Variants in DNAH9 observed in about 807,000 individuals in gnomAD.
The protein encoded by DNAH9 is dynein axonemal heavy chain 9.
Under a neutral mutation model 471.6 loss-of-function variants are expected in DNAH9, and 345 were observed. The observed-to-expected ratio is 0.73, with a 90% CI of 0.67 to 0.80. The LOEUF (loss-of-function observed/expected upper bound fraction) is 0.80, where lower values mean the gene tolerates loss of function less well. Among genes scored for constraint, DNAH9 ranks in the 30% least tolerant of loss-of-function variants. The pLI is 0.00. For missense variants in DNAH9, 5,407 were observed against 5,609.2 expected (o/e 0.96, Z 1.15); for synonymous variants, 2,093 against 2,123.6 (o/e 0.99, Z 0.40).
In DNAH9 at chr17:11,599,005, C is replaced by A. The variant is rs1247393111; in HGVS notation, c.417+90C>A. The A allele has an allele frequency of 2.0e-5, 5 of 245,130 alleles. No homozygotes were observed. The Admixed American group carries it at 2.8e-4, about 14-fold the overall frequency. The allele number at this position is 245,130 out of a possible 1,614,324, so 15.2% of individuals were successfully genotyped here. A position where few individuals can be genotyped will look rare whatever the true frequency, so the allele number is the denominator to read the frequency against. ...GGGACGGAGGCGGGGCCAGAGGGGGCGGGGCGAAGCTGCAGGGGAGGTCCA... is the reference window on the plus strand; with the variant it reads ...GGGACGGAGGCGGGGCCAGAGGGGGAGGGGCGAAGCTGCAGGGGAGGTCCA... On this transcript the variant is annotated intron_variant, in intron 1 of 68. Coordinates refer to ENST00000262442, the MANE Select transcript of DNAH9 (RefSeq NM_001372.4).
At chr17:11,615,565 A>G (rs1394777449) in intron 4 of DNAH9, among the ~76,000 whole-genome samples, 1 of 151,942 alleles carries the variant, frequency 6.6e-6, no homozygotes, top group African/African-American at 2.4e-5. Flanking sequence ...AGCCTGGGTG[A>G]CAGAGTGAGA....
chr17:11,626,690 T>A lies in DNAH9; in HGVS notation c.1351-2727T>A, dbSNP rs2150666985. Among the ~76,000 whole-genome samples the A allele has an allele frequency of 6.6e-6, 1 of 152,324 alleles. No individual in the cohort carries two copies. The highest frequency in any genetic ancestry group is 3.4e-3 in the Middle Eastern group (1 of 294). ...TCATTTGCCTTCATTCTGCCTTCAC[T>A]GTAGCACCAGGGAAGGTTCCCCCTT... On this transcript the variant is annotated intron_variant, in intron 6 of 68. Coordinates refer to ENST00000262442, the MANE Select transcript of DNAH9 (RefSeq NM_001372.4). This position sits in a 1 kb window ranked among gnomAD's most constrained non-coding sequence, Gnocchi z 4.3.
chr17:11,867,921 T>G (rs183346684), intron 50 of DNAH9, among the ~76,000 whole-genome samples: 1 of 152,212 alleles, frequency 6.6e-6, no homozygotes, highest in African/African-American at 2.4e-5. Flanking sequence ...CTTCATATTT[T>G]CATCTTCCCC....
intron 38 of DNAH9, among the ~76,000 whole-genome samples, chr17:11,779,205 G>T (rs1318605893): frequency 6.6e-6 from 1 of 152,136 alleles, no homozygotes; most frequent in African/African-American, 2.4e-5. Flanking sequence ...GGCTCCAGGT[G>T]TGGGCTTGAG....
intron 50 of DNAH9, among the ~76,000 whole-genome samples, chr17:11,866,992 C>T (rs551560106): frequency 6.6e-6 from 1 of 152,362 alleles, no homozygotes; most frequent in East Asian, 1.9e-4. Flanking sequence ...CAATGCCTCG[C>T]CCTGCTTCAG....
At chr17:11,645,545 G>T (rs1315278751) in intron 11 of DNAH9, among the ~76,000 whole-genome samples, 1 of 152,098 alleles carries the variant, frequency 6.6e-6, no homozygotes. Flanking sequence ...GAGGCCTTGC[G>T]GTGGTTCTCA....
chr17:11,803,422 G>A lies in DNAH9; in HGVS notation c.8421-4310G>A, dbSNP rs551543718. Reference sequence around the variant, plus strand: ...TGTGCGCTCGCACACACGCACATGCGTGTCTAGTCCAATAAATCAACTTCC... The same window carrying A: ...TGTGCGCTCGCACACACGCACATGCATGTCTAGTCCAATAAATCAACTTCC... On this transcript the variant is annotated intron_variant, in intron 43 of 68. Coordinates refer to ENST00000262442, the MANE Select transcript of DNAH9 (RefSeq NM_001372.4). Among the ~76,000 whole-genome samples, 100 of 152,278 alleles carry A rather than the reference G, an allele frequency of 6.6e-4. 2 individuals are homozygous for A. In the South Asian group the frequency reaches 0.019, roughly 29 times the overall value.
At chr17:11,787,209 T>A (rs746628875) in intron 41 of DNAH9, among the ~76,000 whole-genome samples, 5 of 152,188 alleles carry the variant, frequency 3.3e-5, no homozygotes, top group Admixed American at 6.5e-5. Context: ...GTGAAAGTGA[T>A]GTACAGAAAA....
At chr17:11,912,081 G>C (rs140983567) in intron 61 of DNAH9, among the ~76,000 whole-genome samples, 1,938 of 152,142 alleles carry the variant, frequency 0.013, 36 homozygotes, top group African/African-American at 0.043. Context: ...GCAGTGGCAC[G>C]ATCTCAGCTC....
At chr17:11,737,162 G>C (rs2075361361) in intron 28 of DNAH9, among the ~76,000 whole-genome samples, 1 of 152,222 alleles carries the variant, frequency 6.6e-6, no homozygotes, top group South Asian at 2.1e-4. Context: ...ACGTAGAAAA[G>C]AAGTCTCAGT....
At chr17:11,794,230 G>C (rs28498818) in intron 42 of DNAH9, among the ~76,000 whole-genome samples, 1 of 151,818 alleles carries the variant, frequency 6.6e-6, no homozygotes, top group Non-Finnish European at 1.5e-5. Flanking sequence ...ATTTTTAGTA[G>C]AGACGGAGTT....
chr17:11,706,807 TACTG>T (rs1302576690), intron 26 of DNAH9, among the ~76,000 whole-genome samples: 2 of 152,226 alleles, frequency 1.3e-5, no homozygotes, highest in Admixed American at 6.5e-5. Context: ...GTTAAGGAGT[TACTG>T]ATAAACATTG....
At chr17:11,891,676 T>A (rs2151004121) in intron 57 of DNAH9, 101 bp from the exon 58 acceptor site, 2 of 1,431,578 alleles carry the variant, frequency 1.4e-6, no homozygotes, top group East Asian at 2.3e-5. Flanking sequence ...TGGGAAAAAA[T>A]TTCTATGGGC....
In DNAH9 at chr17:11,598,693, CGAGGGGCCGCGGCCGCTGCTGGTGGTGCG is replaced by C; in HGVS notation, c.197_225del (p.Glu66AlafsTer17). 3 of 1,371,632 alleles carry C rather than the reference CGAGGGGCCGCGGCCGCTGCTGGTGGTGCG, an allele frequency of 2.2e-6. No homozygotes were observed. Among genetic ancestry groups the C allele is most frequent in the Non-Finnish European group, 2.8e-6 (3 of 1,069,224 alleles). The allele number at this position is 1,371,632 out of a possible 1,614,324, so 85.0% of individuals were successfully genotyped here. ...AGGCCTTCCTGGGCCGCGATGCTGC[CGAGGGGCCGCGGCCGCTGCTGGTGGTGCG>C]GCCCGGGCCCAGGGGCCTGGCAATA... is the stretch of plus-strand genomic sequence containing the variant. On this transcript the variant is annotated frameshift_variant, in exon 1 of 69. Transcript: ENST00000262442. LOFTEE classifies it high-confidence loss of function.
intron 48 of DNAH9, among the ~76,000 whole-genome samples, chr17:11,825,114 G>C (rs1970445114): frequency 6.6e-6 from 1 of 152,130 alleles, no homozygotes; most frequent in Non-Finnish European, 1.5e-5. Flanking sequence ...CCTCTTCTTA[G>C]GATTCCAGTT....
rs754076989 is a variant in DNAH9, at chr17:11,632,565, T to A, written c.1519-22T>A. 34 of 1,214,586 alleles carry A rather than the reference T, an allele frequency of 2.8e-5. No individual in the cohort carries two copies. The South Asian group carries it at 4.1e-4, about 15-fold the overall frequency. 75.2% of individuals were successfully genotyped at this position (1,214,586 alleles called of 1,614,324 possible). A position where few individuals can be genotyped will look rare whatever the true frequency, so the allele number is the denominator to read the frequency against. On this transcript the variant is annotated intron_variant, in intron 7 of 68. Coordinates refer to ENST00000262442, the MANE Select transcript of DNAH9 (RefSeq NM_001372.4). ...CTTACAGAAAATTACGTTTTCCTTA[T>A]ATATATATGGTGTCTCTTCAGGACT...
At chr17:11,871,409 A>G (rs1972255866) in intron 51 of DNAH9, among the ~76,000 whole-genome samples, 189 bp from the exon 52 acceptor site, 1 of 152,244 alleles carries the variant, frequency 6.6e-6, no homozygotes. Flanking sequence ...ATGACACAGA[A>G]TGGGGGCTTG....
Position 11,669,160 on chromosome 17 carries a change from G to A in DNAH9, c.2828G>A (p.Gly943Glu). 1 of 1,613,806 alleles carries A rather than the reference G, an allele frequency of 6.2e-7. No individual in the cohort carries two copies. ...FYPSLESGVK[G>E]GFCDIVEGLI... ...CCGTCTCTGGAGTCTGGAGTGAAGG[G>A]GGGTTTCTGTGACATTGTTGAGGGT... is the stretch of plus-strand genomic sequence containing the variant. The change falls in exon 16 of 69, where the codon GGG (glycine) becomes GAG (glutamate). Residue 943 changes from glycine to glutamate, a missense_variant. This residue lies in a region of DNAH9 where 4,636 missense variants were observed against 4,900.3 expected (regional missense o/e 0.95). Coordinates refer to ENST00000262442, the MANE Select transcript of DNAH9 (RefSeq NM_001372.4).
At chr17:11,703,981 A>AT (rs2074649727) in intron 24 of DNAH9, among the ~76,000 whole-genome samples, 1 of 152,170 alleles carries the variant, frequency 6.6e-6, no homozygotes, top group Non-Finnish European at 1.5e-5. Context: ...CGAATGATAC[A>AT]TTTTTTCAGG....
Sources: gnomAD v4.1 joint callset for allele counts (sites outside exome capture counted in the v4.1 genomes callset) on GRCh38, gnomAD v4.1.1 for gene constraint, gnomAD v4.1.1 regional missense constraint, Gnocchi (gnomAD v3.1) non-coding constraint, MANE v1.5 for transcripts, NCBI Gene and HGNC (gene_info 2026-07-23, HGNC 2026-07-21) for gene names.